RAB6A: variants seen among roughly 807,000 people sequenced by gnomAD.
The protein encoded by RAB6A is RAB6A, member RAS oncogene family.
Under a neutral mutation model 32.3 loss-of-function variants are expected in RAB6A, and 8 were observed. The observed-to-expected ratio is 0.25, with a 90% CI of 0.15 to 0.45. The LOEUF (loss-of-function observed/expected upper bound fraction) is 0.45. Among genes scored for constraint, RAB6A ranks in the 20% least tolerant of loss-of-function variants. The probability of loss-of-function intolerance (pLI) is 1.00; values close to 1 mark genes in which losing one functional copy is unlikely to be tolerated. For missense variants in RAB6A, 104 were observed against 249.4 expected (o/e 0.42, Z 3.93); for synonymous variants, 73 against 82.1 (o/e 0.89, Z 0.60).
chr11:73,698,491 G>A (rs1185705767), intron 6 of RAB6A, among the ~76,000 whole-genome samples: 5 of 152,066 alleles, frequency 3.3e-5, no homozygotes, highest in Non-Finnish European at 7.4e-5. Flanking sequence ...TTAAACACTT[G>A]GTACATTAAA....
intron 6 of RAB6A, among the ~76,000 whole-genome samples, chr11:73,694,013 G>A (rs1297320227): frequency 6.6e-6 from 1 of 152,136 alleles, no homozygotes; most frequent in Non-Finnish European, 1.5e-5. Flanking sequence ...TAGACTAGTG[G>A]TTCTCAATAC....
At chr11:73,695,173 A>G (rs1480740747) in intron 6 of RAB6A, among the ~76,000 whole-genome samples, 1 of 152,078 alleles carries the variant, frequency 6.6e-6, no homozygotes, top group Non-Finnish European at 1.5e-5. Context: ...GACATCCCAA[A>G]GTGGGCCAAA....
At chr11:73,688,759 A>G (rs1406996767) in intron 6 of RAB6A, among the ~76,000 whole-genome samples, 2 of 152,258 alleles carry the variant, frequency 1.3e-5, no homozygotes, top group Non-Finnish European at 2.9e-5. Flanking sequence ...TATTTACATA[A>G]GTAGATTTTT....
intron 5 of RAB6A, among the ~76,000 whole-genome samples, chr11:73,710,547 G>A (rs1263394393): frequency 1.3e-5 from 2 of 151,616 alleles, no homozygotes; most frequent in Admixed American, 1.3e-4. Context: ...GACCAGCCTG[G>A]CCAACATGAT....
chr11:73,718,925 A>C (rs776579299), intron 3 of RAB6A: 42 of 1,531,264 alleles, frequency 2.7e-5, no homozygotes, highest in Middle Eastern at 1.7e-4. Flanking sequence ...AAAAAAAAAA[A>C]ACCAAACTAA....
chr11:73,731,416 C>T (rs529164005), intron 1 of RAB6A, among the ~76,000 whole-genome samples: 19 of 151,164 alleles, frequency 1.3e-4, no homozygotes, highest in African/African-American at 3.9e-4. Context: ...GGTGGTTGCA[C>T]GCCTGTAGTC....
intron 5 of RAB6A, among the ~76,000 whole-genome samples, chr11:73,709,494 A>T (rs1945906973): frequency 6.9e-6 from 1 of 144,110 alleles, no homozygotes; most frequent in South Asian, 2.2e-4. Context: ...GGATTTAAAC[A>T]TGTTTTATAG....
At chr11:73,756,115 G>A (rs375645596) in intron 1 of RAB6A, among the ~76,000 whole-genome samples, 62 of 152,294 alleles carry the variant, frequency 4.1e-4, no homozygotes, top group Middle Eastern at 3.4e-3. Flanking sequence ...CACTTTGGGA[G>A]GCTGAGGCCG....
chr11:73,713,024 T>C (rs1945988936), intron 5 of RAB6A, among the ~76,000 whole-genome samples: 1 of 152,180 alleles, frequency 6.6e-6, no homozygotes, highest in African/African-American at 2.4e-5. Flanking sequence ...ATTTTTCTTT[T>C]ACTATTATTA....
chr11:73,740,245 T>C (rs913099520), intron 1 of RAB6A, among the ~76,000 whole-genome samples: 2 of 152,138 alleles, frequency 1.3e-5, no homozygotes, highest in Non-Finnish European at 2.9e-5. Flanking sequence ...TAATCCGCTA[T>C]GATAATGGTA....
intron 6 of RAB6A, among the ~76,000 whole-genome samples, chr11:73,685,069 G>T (rs1410956460): frequency 6.6e-6 from 1 of 152,202 alleles, no homozygotes; most frequent in East Asian, 1.9e-4. Flanking sequence ...AAACTAAAAG[G>T]TAAAGTGTGG....
chr11:73,749,192 C>A (rs549839517), intron 1 of RAB6A, among the ~76,000 whole-genome samples: 1 of 152,068 alleles, frequency 6.6e-6, no homozygotes, highest in Non-Finnish European at 1.5e-5. Flanking sequence ...TAAAAAGGAA[C>A]GAAGTAATGG....
At chr11:73,752,645 CCATCTCTACCAA>C (rs2135015135) in intron 1 of RAB6A, among the ~76,000 whole-genome samples, 2 of 152,118 alleles carry the variant, frequency 1.3e-5, no homozygotes, top group East Asian at 3.9e-4. Flanking sequence ...TGGCAAAACG[CCATCTCTACCAA>C]AAATACAAAA....
chr11:73,677,649 T>G lies in RAB6A; in HGVS notation c.*249A>C. On this transcript the variant is annotated 3_prime_UTR_variant, in exon 8 of 8. Transcript: ENST00000336083. ...AAAATGTTAAGAAAATGTATCTAAT[T>G]TTTAAAGTTATCACTGGAATATGCT... 4 of 967,128 alleles carry G rather than the reference T, an allele frequency of 4.1e-6. No individual in the cohort carries two copies. The highest frequency in any genetic ancestry group is 6.0e-6 in the Non-Finnish European group (4 of 662,132). The allele number at this position is 967,128 out of a possible 1,614,324, so 59.9% of individuals were successfully genotyped here. A position where few individuals can be genotyped will look rare whatever the true frequency, so the allele number is the denominator to read the frequency against.
At chr11:73,690,667 T>C (rs1945537995) in intron 6 of RAB6A, among the ~76,000 whole-genome samples, 2 of 147,476 alleles carry the variant, frequency 1.4e-5, no homozygotes, top group African/African-American at 2.5e-5. Flanking sequence ...GGGTGGTAAC[T>C]TGCTGGCTTC....
chr11:73,758,181 A>T (rs1946790205), intron 1 of RAB6A, among the ~76,000 whole-genome samples: 1 of 152,214 alleles, frequency 6.6e-6, no homozygotes, highest in Admixed American at 6.5e-5. Context: ...ATGAAAACAG[A>T]GATCAATCTT....
intron 4 of RAB6A, among the ~76,000 whole-genome samples, chr11:73,717,878 T>C (rs1178480800): frequency 6.6e-6 from 1 of 152,166 alleles, no homozygotes; most frequent in African/African-American, 2.4e-5. Flanking sequence ...CATAAACCAA[T>C]TTACAAAGGC....
intron 3 of RAB6A, among the ~76,000 whole-genome samples, chr11:73,720,530 C>CA (rs1459108455): frequency 1.6e-4 from 25 of 151,878 alleles, no homozygotes; most frequent in East Asian, 3.9e-4. Flanking sequence ...CCTATCCTGA[C>CA]AAAAAAAATC....
At chr11:73,698,629 G>C (rs1945691926) in intron 6 of RAB6A, among the ~76,000 whole-genome samples, 1 of 151,966 alleles carries the variant, frequency 6.6e-6, no homozygotes, top group South Asian at 2.1e-4. Context: ...ATTCCTTCTT[G>C]TATTCGACAA....
Sources: gnomAD v4.1 joint callset for allele counts (sites outside exome capture counted in the v4.1 genomes callset) on GRCh38, gnomAD v4.1.1 for gene constraint, MANE v1.5 for transcripts, NCBI Gene and HGNC (gene_info 2026-07-23, HGNC 2026-07-21) for gene names.